The following SLC30A8 variants were observed in gnomAD, a reference collection of about 807,000 sequenced individuals.
The protein encoded by SLC30A8 is proton-coupled zinc antiporter SLC30A8.
A neutral mutation model predicts 36.9 loss-of-function variants in SLC30A8; 27 were observed. The ratio of observed to expected loss-of-function variants is 0.73; its 90% CI spans 0.54 to 1.01. SLC30A8 has a LOEUF of 1.01. Ranked by LOEUF, SLC30A8 falls within the 50% of genes least tolerant of loss-of-function variation. The pLI is 0.00. For synonymous variants in SLC30A8, 164 were observed against 172.4 expected, an observed-to-expected ratio of 0.95 and a Z score of 0.38; for missense variants, 439 against 452.0, an observed-to-expected ratio of 0.97 and a Z score of 0.26.
At chr8:116,990,473 A>C (rs886537457) in intron 1 of SLC30A8, among the ~76,000 whole-genome samples, 1 of 152,198 alleles carries the variant, frequency 6.6e-6, no homozygotes, top group Non-Finnish European at 1.5e-5. Flanking sequence ...AAACTCTTAC[A>C]TTTAATCATA....
intron 2 of SLC30A8, among the ~76,000 whole-genome samples, chr8:117,081,259 A>G (rs1818668649): frequency 1.3e-5 from 2 of 152,174 alleles, no homozygotes; most frequent in South Asian, 4.1e-4. Flanking sequence ...AAAACACCAC[A>G]GACTGGGGCG....
At chr8:117,006,956 T>G (rs7005148) in intron 1 of SLC30A8, 1 of 44,924 alleles carries the variant, frequency 2.2e-5, no homozygotes, top group African/African-American at 7.4e-5. Flanking sequence ...CTAATTCTTG[T>G]TTTTTTTTTT....
At chr8:117,024,827 C>T (rs896912925) in intron 1 of SLC30A8, among the ~76,000 whole-genome samples, 2 of 151,978 alleles carry the variant, frequency 1.3e-5, no homozygotes, top group African/African-American at 4.8e-5. Flanking sequence ...TTATTTTAAG[C>T]TCCAGGGTAC....
At chr8:117,172,396 G>A (rs1823426687) in intron 7 of SLC30A8, 140 bp from the exon 8 acceptor site, 5 of 1,033,134 alleles carry the variant, frequency 4.8e-6, no homozygotes, top group Admixed American at 1.9e-5. Context: ...CTGATTATCA[G>A]AGCAAACGTG....
chr8:117,127,386 A>C (rs146480919), intron 2 of SLC30A8, among the ~76,000 whole-genome samples: 102 of 152,188 alleles, frequency 6.7e-4, no homozygotes, highest in Non-Finnish European at 8.5e-4. Flanking sequence ...GCTGAAGAGC[A>C]ATAACTAAAA....
chr8:117,085,934 T>A (rs1434823129), intron 2 of SLC30A8, among the ~76,000 whole-genome samples: 2 of 152,096 alleles, frequency 1.3e-5, no homozygotes, highest in Non-Finnish European at 2.9e-5. Context: ...ACAAAATAAT[T>A]CCAAGAGAGT....
upstream of SLC30A8, chr8:116,950,384 C>G (rs769898168): frequency 6.6e-6 from 1 of 152,294 alleles, no homozygotes; most frequent in Non-Finnish European, 1.5e-5. Flanking sequence ...TAGAATCCTG[C>G]GGTAAATGTT....
At chr8:116,993,873 C>A (rs1487189355) in intron 1 of SLC30A8, among the ~76,000 whole-genome samples, 1 of 151,428 alleles carries the variant, frequency 6.6e-6, no homozygotes, top group African/African-American at 2.4e-5. Context: ...AAGCAAGAGG[C>A]TATTATAAAA....
At chr8:116,996,809 T>G (rs1190417412) in intron 1 of SLC30A8, among the ~76,000 whole-genome samples, 1 of 152,160 alleles carries the variant, frequency 6.6e-6, no homozygotes, top group Non-Finnish European at 1.5e-5. Context: ...TGGCTCCTAC[T>G]CAGTGGTATT....
At chr8:117,013,050 T>A (rs1816399646) in intron 1 of SLC30A8, among the ~76,000 whole-genome samples, 1 of 152,116 alleles carries the variant, frequency 6.6e-6, no homozygotes, top group Non-Finnish European at 1.5e-5. Flanking sequence ...TTAATATTTC[T>A]TATACTTTCT....
intron 2 of SLC30A8, among the ~76,000 whole-genome samples, chr8:117,097,257 G>A (rs1395187907): frequency 6.7e-6 from 1 of 148,836 alleles, no homozygotes; most frequent in African/African-American, 2.5e-5. Flanking sequence ...AAATTAGCCG[G>A]GCATGGTGGC....
At chr8:116,964,214 TA>T (rs1814523812) in intron 1 of SLC30A8, among the ~76,000 whole-genome samples, 1 of 152,174 alleles carries the variant, frequency 6.6e-6, no homozygotes, top group African/African-American at 2.4e-5. Context: ...TTGGAGGCAT[TA>T]AAAAAGAGTA....
At chr8:117,042,365 A>C (rs765258569) in intron 2 of SLC30A8, among the ~76,000 whole-genome samples, 27 of 152,150 alleles carry the variant, frequency 1.8e-4, no homozygotes, top group Non-Finnish European at 3.4e-4. Context: ...GGCACTTTAC[A>C]TTTTCGTCTG....
In SLC30A8 at chr8:117,135,071, A is replaced by T; in HGVS notation, c.-257A>T. ...TATGAAAGACATACACACTTCATGTAATGCTACCTGCAAGTCTCCCTAGAA... is the reference window on the plus strand; with the variant it reads ...TATGAAAGACATACACACTTCATGTTATGCTACCTGCAAGTCTCCCTAGAA... On this transcript the variant is annotated 5_prime_UTR_variant, in exon 1 of 8. An upstream open reading frame in the 5' UTR loses its in-frame stop. Coordinates refer to ENST00000456015, the MANE Select transcript of SLC30A8 (RefSeq NM_173851.3). The T allele has an allele frequency of 3.0e-6, 1 of 336,354 alleles. No homozygotes were observed. Among genetic ancestry groups the T allele is most frequent in the Non-Finnish European group, 5.4e-6 (1 of 185,482 alleles). The allele number at this position is 336,354 out of a possible 1,614,324, so 20.8% of individuals were successfully genotyped here.
chr8:117,153,773 C>T (rs924102821), intron 3 of SLC30A8, among the ~76,000 whole-genome samples: 3 of 142,942 alleles, frequency 2.1e-5, no homozygotes, highest in Non-Finnish European at 4.7e-5. Context: ...CTTTATTGCT[C>T]AGTTGACTGT....
intron 1 of SLC30A8, among the ~76,000 whole-genome samples, chr8:117,000,190 T>C (rs1815964424): frequency 6.6e-6 from 1 of 152,222 alleles, no homozygotes; most frequent in South Asian, 2.1e-4. Flanking sequence ...TTCTTATTTC[T>C]TGAAATCAGA....
chr8:116,992,651 C>T (rs749571242), intron 1 of SLC30A8, among the ~76,000 whole-genome samples: 12 of 152,008 alleles, frequency 7.9e-5, no homozygotes, highest in Non-Finnish European at 1.5e-4. Flanking sequence ...TTATCAGTTA[C>T]CAAGGGCTAC....
chr8:117,114,019 C>A (rs1010531099), intron 2 of SLC30A8, among the ~76,000 whole-genome samples: 11 of 152,088 alleles, frequency 7.2e-5, no homozygotes, highest in Non-Finnish European at 1.2e-4. Context: ...GCAGCTGGGT[C>A]ATGAGACCTC....
At chr8:117,088,566 G>A (rs1200085019) in intron 2 of SLC30A8, among the ~76,000 whole-genome samples, 1 of 152,118 alleles carries the variant, frequency 6.6e-6, no homozygotes, top group East Asian at 1.9e-4. Flanking sequence ...CTGTAAACTA[G>A]ATTTGCCAGT....
Sources: allele counts gnomAD v4.1 joint callset (sites outside exome capture counted in the v4.1 genomes callset), GRCh38; gene constraint gnomAD v4.1.1; transcripts MANE v1.5; gene names NCBI Gene and HGNC (gene_info 2026-07-23, HGNC 2026-07-21).